The following ACADL variants were observed in gnomAD, a reference collection of about 807,000 sequenced individuals.
The protein encoded by ACADL is long-chain specific acyl-CoA dehydrogenase, mitochondrial.
A neutral mutation model predicts 56.9 loss-of-function variants in ACADL; 60 were observed. The observed-to-expected ratio is 1.05, with a 90% CI of 0.86 to 1.31. The LOEUF is 1.31. ACADL is among the 50% of genes most tolerant of loss of function. ACADL has a pLI of 0.00. For synonymous variants in ACADL, 158 were observed against 179.7 expected (o/e 0.88, Z 0.97); for missense variants, 484 against 525.5 (o/e 0.92, Z 0.77).
At chr2:210,189,146 T>C in intron 10 of ACADL, 92 bp from the exon 11 acceptor site, 1 of 860,364 alleles carries the variant, frequency 1.2e-6, no homozygotes, top group South Asian at 1.4e-5. Flanking sequence ...ATTCAATTAG[T>C]GAAGTACAAA....
intron 8 of ACADL, among the ~76,000 whole-genome samples, chr2:210,195,821 C>T (rs1312553331): frequency 1.1e-4 from 16 of 152,088 alleles, no homozygotes; most frequent in Middle Eastern, 3.2e-3. Flanking sequence ...TATATATGTT[C>T]ATAAACATCA....
chr2:210,195,737 T>C (rs1288388412), intron 8 of ACADL, among the ~76,000 whole-genome samples: 1 of 152,164 alleles, frequency 6.6e-6, no homozygotes, highest in Non-Finnish European at 1.5e-5. Context: ...TTGAAGATTT[T>C]TTTCTTTATT....
intron 10 of ACADL, among the ~76,000 whole-genome samples, 182 bp downstream of exon 10, chr2:210,192,622 C>A (rs1216681905): frequency 6.6e-6 from 1 of 151,948 alleles, no homozygotes; most frequent in African/African-American, 2.4e-5. Flanking sequence ...AAAATAAAAT[C>A]CTAGTAGGGA....
intron 2 of ACADL, among the ~76,000 whole-genome samples, chr2:210,219,768 A>G (rs1209285875): frequency 6.6e-6 from 1 of 152,190 alleles, no homozygotes; most frequent in Non-Finnish European, 1.5e-5. Flanking sequence ...AAGTATCCAT[A>G]TAACCATTTT....
intron 2 of ACADL, among the ~76,000 whole-genome samples, chr2:210,219,857 G>A (rs1333956345): frequency 6.6e-6 from 1 of 151,968 alleles, no homozygotes; most frequent in Non-Finnish European, 1.5e-5. Flanking sequence ...AGTAGACATT[G>A]TGTTAGATGA....
intron 8 of ACADL, 91 bp downstream of exon 8, chr2:210,203,240 A>G: frequency 4.7e-6 from 4 of 854,026 alleles, no homozygotes; most frequent in Non-Finnish European, 7.8e-6. Flanking sequence ...ATCACCTTAC[A>G]TGAAAATAAC....
At chr2:210,219,110 CAT>C (rs570976232) in intron 2 of ACADL, among the ~76,000 whole-genome samples, 4 of 152,098 alleles carry the variant, frequency 2.6e-5, no homozygotes, top group Admixed American at 6.5e-5. Flanking sequence ...CTTGGATTAT[CAT>C]GTGTGTTTTG....
At chr2:210,224,581 A>T (rs1275783000) in intron 1 of ACADL, 1 of 985,384 alleles carries the variant, frequency 1.0e-6, no homozygotes. Flanking sequence ...GTCTTCATTA[A>T]TCCTCTGTAT....
At chr2:210,194,208 T>C (rs901436261) in intron 9 of ACADL, among the ~76,000 whole-genome samples, 2 of 152,174 alleles carry the variant, frequency 1.3e-5, no homozygotes, top group Non-Finnish European at 2.9e-5. Flanking sequence ...TCAAAGAACT[T>C]CTTGTAAATG....
In ACADL at chr2:210,188,354, AGGG is replaced by A. The variant is rs1688578958; in HGVS notation, c.*604_*606del. ...TTAGGCAAATACTTAGCTGAGTCCT[AGGG>A]GTTTCAAGGCAGTAAGGTATGATGG... On this transcript the variant is annotated 3_prime_UTR_variant, in exon 11 of 11. Transcript: ENST00000233710. The A allele has an allele frequency of 2.6e-5, 4 of 153,786 alleles. No homozygotes were observed. Among genetic ancestry groups the A allele is most frequent in the African/African-American group, 9.6e-5 (4 of 41,590 alleles). 9.5% of individuals were successfully genotyped at this position (153,786 alleles called of 1,614,324 possible). A position where few individuals can be genotyped will look rare whatever the true frequency, so the allele number is the denominator to read the frequency against.
At chr2:210,201,365 C>T (rs571459438) in intron 8 of ACADL, among the ~76,000 whole-genome samples, 6 of 152,184 alleles carry the variant, frequency 3.9e-5, no homozygotes, top group African/African-American at 1.2e-4. Context: ...CTCACAACAA[C>T]GCTATGAGGC....
At chr2:210,219,856 T>G (rs1401742847) in intron 2 of ACADL, among the ~76,000 whole-genome samples, 1 of 152,090 alleles carries the variant, frequency 6.6e-6, no homozygotes, top group Non-Finnish European at 1.5e-5. Flanking sequence ...AAGTAGACAT[T>G]GTGTTAGATG....
At chr2:210,220,131 A>ATGC (rs1689150297) in intron 2 of ACADL, among the ~76,000 whole-genome samples, 1 of 152,194 alleles carries the variant, frequency 6.6e-6, no homozygotes, top group Non-Finnish European at 1.5e-5. Flanking sequence ...TTCAACTTGT[A>ATGC]ACCCCATACT....
intron 4 of ACADL, among the ~76,000 whole-genome samples, chr2:210,212,123 G>T (rs1385124924): frequency 6.8e-6 from 1 of 146,552 alleles, no homozygotes; most frequent in Non-Finnish European, 1.5e-5. Context: ...GTGAGCCACC[G>T]CACCTGGTTG....
intron 4 of ACADL, among the ~76,000 whole-genome samples, chr2:210,215,230 C>T (rs1000851193): frequency 2.0e-5 from 3 of 152,154 alleles, no homozygotes; most frequent in Non-Finnish European, 2.9e-5. Flanking sequence ...TACCACTCAG[C>T]TCTGAGAAAG....
intron 8 of ACADL, 23 bp downstream of exon 8, chr2:210,203,308 C>A (rs1356577349): frequency 1.3e-6 from 2 of 1,536,132 alleles, no homozygotes; most frequent in Non-Finnish European, 1.8e-6. Context: ...CCATCTAATA[C>A]TAAACCACAG....
intron 8 of ACADL, among the ~76,000 whole-genome samples, chr2:210,197,565 A>T (rs143340479): frequency 6.6e-6 from 1 of 152,304 alleles, no homozygotes; most frequent in African/African-American, 2.4e-5. Flanking sequence ...AAAATCCCTG[A>T]AGATGGTTTC....
Position 210,225,222 on chromosome 2 carries a change from GC to G in ACADL, c.41del (p.Gly14AlafsTer23), listed in dbSNP as rs761359222. On this transcript the variant is annotated frameshift_variant, in exon 1 of 11. Coordinates refer to ENST00000233710, the MANE Select transcript of ACADL (RefSeq NM_001608.4). LOFTEE classifies it high-confidence loss of function. Reference protein sequence around the residue: ...RLLRGSLRVLGGHRAPRQLPA... With the variant: ...RLLRGSLRVLXGHRAPRQLPA... ...GCAGCTGGCGCGGCGCACGGTGGCC[GC>G]CCAGGACGCGTAGGGACCCTCGGAG... is the stretch of plus-strand genomic sequence containing the variant. 7.7e-6 allele frequency: 12 copies of G among 1,548,648 alleles called. No individual in the cohort carries two copies. In the African/African-American group the frequency reaches 1.5e-4, roughly 19 times the overall value.
rs1688576675 is a variant in ACADL at position 210,188,189 on chromosome 2, AATAC to A, written c.*768_*771del. On this transcript the variant is annotated 3_prime_UTR_variant, in exon 11 of 11. Coordinates refer to ENST00000233710, the MANE Select transcript of ACADL (RefSeq NM_001608.4). ...ACATAAAGTAATTATTAAGTTAATAAATACATTAACTGTTGCAAAAGAAAAGCCA... is the reference window on the plus strand; with the variant it reads ...ACATAAAGTAATTATTAAGTTAATAAATTAACTGTTGCAAAAGAAAAGCCA... 6.6e-6 allele frequency: 1 copy of A among 152,232 alleles called. No individual in the cohort carries two copies. The highest frequency in any genetic ancestry group is 1.5e-5 in the Non-Finnish European group (1 of 68,040). The allele number at this position is 152,232 out of a possible 1,614,324, so 9.4% of individuals were successfully genotyped here.
Sources: allele counts gnomAD v4.1 joint callset (sites outside exome capture counted in the v4.1 genomes callset), GRCh38; gene constraint gnomAD v4.1.1; transcripts MANE v1.5; gene names NCBI Gene and HGNC (gene_info 2026-07-23, HGNC 2026-07-21).